KCNT2: variants seen among roughly 807,000 people sequenced by gnomAD.
The protein encoded by KCNT2 is potassium sodium-activated channel subfamily T member 2, also known as potassium channel subfamily T member 2.
A neutral mutation model predicts 153.8 loss-of-function variants in KCNT2; 67 were observed. The observed-to-expected ratio is 0.44, with a 90% CI of 0.36 to 0.53. The LOEUF (loss-of-function observed/expected upper bound fraction) is 0.53. KCNT2 is among the 20% of genes least tolerant of loss of function. The pLI is 0.00. For missense variants in KCNT2, 975 were observed against 1,354.8 expected (o/e 0.72, Z 4.40); for synonymous variants, 500 against 458.8 (o/e 1.09, Z -1.15).
intron 21 of KCNT2, among the ~76,000 whole-genome samples, chr1:196,308,815 A>G (rs1333566023): frequency 6.6e-6 from 1 of 152,022 alleles, no homozygotes; most frequent in African/African-American, 2.4e-5. Context: ...TCCAAATAAA[A>G]TAAATTATTA....
chr1:196,386,634 C>T (rs563489069), intron 13 of KCNT2, among the ~76,000 whole-genome samples: 2 of 152,140 alleles, frequency 1.3e-5, no homozygotes, highest in Admixed American at 1.3e-4. Context: ...AGTACAAATA[C>T]CATTTAACCT....
At chr1:196,530,056 C>T (rs139081125) in intron 1 of KCNT2, among the ~76,000 whole-genome samples, 20 of 151,972 alleles carry the variant, frequency 1.3e-4, no homozygotes, top group African/African-American at 4.3e-4. Context: ...CAAGAAGACA[C>T]TATTTTTTGA....
intron 22 of KCNT2, among the ~76,000 whole-genome samples, chr1:196,290,484 C>G (rs181657721): frequency 2.0e-5 from 3 of 151,890 alleles, no homozygotes; most frequent in African/African-American, 7.2e-5. Flanking sequence ...TAAGGCTTTA[C>G]AATTATACAT....
At chr1:196,521,472 C>T (rs1653391494) in intron 1 of KCNT2, among the ~76,000 whole-genome samples, 1 of 152,104 alleles carries the variant, frequency 6.6e-6, no homozygotes, top group Non-Finnish European at 1.5e-5. Flanking sequence ...GAATATAAAT[C>T]ATTCTACCAT....
chr1:196,526,826 T>A (rs1366060188), intron 1 of KCNT2, among the ~76,000 whole-genome samples: 1 of 152,160 alleles, frequency 6.6e-6, no homozygotes, highest in African/African-American at 2.4e-5. Flanking sequence ...AGTCAGGGAC[T>A]GTGTCTAGCA....
intron 12 of KCNT2, among the ~76,000 whole-genome samples, chr1:196,414,622 C>T (rs961499159): frequency 6.6e-5 from 10 of 151,720 alleles, no homozygotes; most frequent in Non-Finnish European, 1.5e-4. Context: ...GTAAAATATG[C>T]CTGCTTATTC....
At chr1:196,284,323 A>G (rs1459689485) in intron 23 of KCNT2, among the ~76,000 whole-genome samples, 7 of 127,960 alleles carry the variant, frequency 5.5e-5, no homozygotes, top group African/African-American at 1.9e-4. Flanking sequence ...AAATCATGCA[A>G]TTTCCTGTAT....
intron 1 of KCNT2, among the ~76,000 whole-genome samples, chr1:196,571,930 G>A (rs1335945535): frequency 6.6e-6 from 1 of 152,068 alleles, no homozygotes; most frequent in Admixed American, 6.6e-5. Flanking sequence ...GACCTTGATT[G>A]TGCAGGTGTT....
chr1:196,590,244 T>C (rs1478436763), intron 1 of KCNT2, among the ~76,000 whole-genome samples: 1 of 152,138 alleles, frequency 6.6e-6, no homozygotes, highest in Non-Finnish European at 1.5e-5. Flanking sequence ...TGACCGAGTA[T>C]AGCTGTTCTT....
Position 196,428,207 on chromosome 1 carries a change from A to G in KCNT2, c.882T>C (p.His294=). ...CGACATGCTTTTCAGTTTGAGCTCT[A>G]TGTCGACTATAGTTTCCTCCTGACT... ...RQKSGGNYSR[H]RAQTEKHVVL... The change falls in exon 10 of 28, where the codon CAT becomes CAC. Residue 294 remains histidine, a synonymous_variant. Transcript: ENST00000294725. 6.2e-7 allele frequency: 1 copy of G among 1,612,474 alleles called. No homozygotes were observed. The highest frequency in any genetic ancestry group is 1.7e-5 in the Admixed American group (1 of 59,942).
chr1:196,462,032 C>A (rs918806621), intron 8 of KCNT2, among the ~76,000 whole-genome samples: 2 of 151,600 alleles, frequency 1.3e-5, no homozygotes, highest in Non-Finnish European at 3.0e-5. Flanking sequence ...ATTACAAGTT[C>A]TGATTTAGTA....
intron 25 of KCNT2, among the ~76,000 whole-genome samples, chr1:196,267,355 C>T (rs926351403): frequency 5.3e-5 from 8 of 152,186 alleles, no homozygotes; most frequent in African/African-American, 1.7e-4. Context: ...ATCACTGACA[C>T]GCTCGAGAAA....
intron 1 of KCNT2, among the ~76,000 whole-genome samples, chr1:196,549,114 C>T (rs1657549813): frequency 6.6e-6 from 1 of 151,956 alleles, no homozygotes; most frequent in African/African-American, 2.4e-5. Context: ...TGTAACTAAC[C>T]TGCACATTGT....
chr1:196,499,057 A>C (rs1680472334), intron 1 of KCNT2, among the ~76,000 whole-genome samples: 1 of 152,182 alleles, frequency 6.6e-6, no homozygotes. Flanking sequence ...AAAAATTTGC[A>C]CACAGACACA....
At chr1:196,316,676 T>C (rs923987758) in intron 20 of KCNT2, among the ~76,000 whole-genome samples, 13 of 151,638 alleles carry the variant, frequency 8.6e-5, no homozygotes, top group African/African-American at 3.1e-4. Context: ...GATGAAGTAA[T>C]TGCTAAAGTA....
chr1:196,329,148 T>G (rs1235201013), intron 18 of KCNT2, among the ~76,000 whole-genome samples: 1 of 152,102 alleles, frequency 6.6e-6, no homozygotes, highest in African/African-American at 2.4e-5. Context: ...GCCCCACTGA[T>G]ACTGACACAG....
intron 1 of KCNT2, among the ~76,000 whole-genome samples, chr1:196,601,394 C>T (rs577326707): frequency 6.6e-6 from 1 of 152,184 alleles, no homozygotes; most frequent in Non-Finnish European, 1.5e-5. Flanking sequence ...GTTTCCACTA[C>T]TGTAAAATCA....
intron 1 of KCNT2, among the ~76,000 whole-genome samples, chr1:196,579,646 C>A (rs969189572): frequency 6.6e-6 from 1 of 151,920 alleles, no homozygotes; most frequent in African/African-American, 2.4e-5. Flanking sequence ...GCATGTGCCA[C>A]CACACCTGGC....
intron 14 of KCNT2, among the ~76,000 whole-genome samples, chr1:196,362,572 A>T (rs1667724095): frequency 1.3e-5 from 2 of 152,070 alleles, no homozygotes; most frequent in African/African-American, 4.8e-5. Flanking sequence ...TTTACCTGAC[A>T]TTTGCTGGCC....
Sources: gnomAD v4.1 joint callset for allele counts (sites outside exome capture counted in the v4.1 genomes callset) on GRCh38, gnomAD v4.1.1 for gene constraint, MANE v1.5 for transcripts, NCBI Gene and HGNC (gene_info 2026-07-23, HGNC 2026-07-21) for gene names.